Variants in PSMA6 observed in about 807,000 individuals in gnomAD.
PSMA6 encodes the protein proteasome 20S subunit alpha 6.
For synonymous variants in PSMA6, 88 were observed against 97.7 expected, an observed-to-expected ratio of 0.90 and a Z score of 0.59; for missense variants, 170 against 294.8, an observed-to-expected ratio of 0.58 and a Z score of 3.10.
At chr14:35,278,656 G>C (rs2051331518) in exon 1 of PSMA6, 5 of 1,534,778 alleles carry the variant, frequency 3.3e-6, no homozygotes, top group Non-Finnish European at 4.4e-6. Flanking sequence ...GGGAGAATGG[G>C]ATGGAGCCTC....
At chr14:35,301,445 T>G (rs1258938651) in intron 1 of PSMA6, among the ~76,000 whole-genome samples, 4 of 151,622 alleles carry the variant, frequency 2.6e-5, no homozygotes, top group East Asian at 3.9e-4. Flanking sequence ...AGGCAGAGGT[T>G]GCGGCGAGCC....
chr14:35,283,250 G>A (rs1194828510), intron 1 of PSMA6, among the ~76,000 whole-genome samples: 1 of 151,844 alleles, frequency 6.6e-6, no homozygotes, highest in East Asian at 2.0e-4. Context: ...TGGCTGGTCA[G>A]GTGTGGTGGC....
chr14:35,306,337 G>A (rs540170021), intron 1 of PSMA6, among the ~76,000 whole-genome samples: 18 of 151,768 alleles, frequency 1.2e-4, no homozygotes, highest in African/African-American at 3.9e-4. Context: ...TGGGAGGATC[G>A]CTTGAGCTCA....
intron 1 of PSMA6, among the ~76,000 whole-genome samples, chr14:35,303,451 CTGAGT>C (rs879842684): frequency 6.6e-6 from 1 of 152,160 alleles, no homozygotes; most frequent in Non-Finnish European, 1.5e-5. Flanking sequence ...GCCAAAAAGA[CTGAGT>C]TTTCTGTGGG....
intron 6 of PSMA6, 195 bp from the exon 7 acceptor site, chr14:35,317,054 A>G: frequency 1.4e-5 from 7 of 502,134 alleles, no homozygotes; most frequent in Non-Finnish European, 2.5e-5. Context: ...AGGTGGTATA[A>G]TATCTGGGAA....
At chr14:35,289,141 T>TA (rs1029728559), upstream of PSMA6, among the ~76,000 whole-genome samples, 22 of 152,174 alleles carry the variant, frequency 1.4e-4, no homozygotes, top group African/African-American at 5.3e-4. Context: ...CAGGTTTAAA[T>TA]AAAAAAGGAT....
chr14:35,284,794 A>G (rs950513469), intron 1 of PSMA6, among the ~76,000 whole-genome samples: 2 of 152,120 alleles, frequency 1.3e-5, no homozygotes, highest in Admixed American at 6.6e-5. Context: ...CTCTATAATC[A>G]TATGATATCT....
chr14:35,304,495 C>T (rs2051782976), intron 1 of PSMA6, among the ~76,000 whole-genome samples: 1 of 151,892 alleles, frequency 6.6e-6, no homozygotes, highest in Non-Finnish European at 1.5e-5. Flanking sequence ...TCTGGGAGGC[C>T]GAGGTGGGTG....
rs745577903 is a variant in PSMA6, at chr14:35,317,223, GT to G, written c.684-19del. The G allele has an allele frequency of 1.3e-5, 21 of 1,605,852 alleles. No individual in the cohort carries two copies. In the African/African-American group the frequency reaches 1.9e-4, roughly 14 times the overall value. ...TTGAAAAAATTTTTTTTAAATCGTT[GT>G]TTTTTTCCCCCTTTTGCCTTCTAGG... is the stretch of plus-strand genomic sequence containing the variant. On this transcript the variant is annotated intron_variant, in intron 6 of 6. Transcript: ENST00000261479.
intron 1 of PSMA6, among the ~76,000 whole-genome samples, chr14:35,280,920 A>C (rs1463444912): frequency 6.6e-6 from 1 of 152,170 alleles, no homozygotes; most frequent in South Asian, 2.1e-4. Context: ...TCCCTATGAG[A>C]TGGCCAACCT....
intron 1 of PSMA6, 108 bp downstream of exon 1, chr14:35,292,660 GAGCTGGGAAGGGAGAACGGCTGA>G (rs1171350413): frequency 7.5e-5 from 115 of 1,526,594 alleles, no homozygotes; most frequent in Admixed American, 4.7e-4. Context: ...AGCTGGGCTG[GAGCTGGGAAGGGAGAACGGCTGA>G]AGCTGGATTG....
chr14:35,313,693 G>C (rs1289403721), intron 5 of PSMA6: 1 of 152,228 alleles, frequency 6.6e-6, no homozygotes, highest in African/African-American at 2.4e-5. Context: ...AAACACTTAA[G>C]GTGGCTCACA....
At chr14:35,290,919 C>T (rs1333009791), upstream of PSMA6, among the ~76,000 whole-genome samples, 1 of 152,194 alleles carries the variant, frequency 6.6e-6, no homozygotes. Context: ...GCCCCATCCC[C>T]TCAGCTCTAG....
chr14:35,303,787 C>A (rs2051765424), intron 1 of PSMA6, among the ~76,000 whole-genome samples: 1 of 152,162 alleles, frequency 6.6e-6, no homozygotes, highest in African/African-American at 2.4e-5. Context: ...GAAAAAATTG[C>A]TCCTGTACTG....
upstream of PSMA6, among the ~76,000 whole-genome samples, chr14:35,288,697 A>G (rs545675663): frequency 1.1e-4 from 17 of 152,334 alleles, no homozygotes; most frequent in African/African-American, 4.1e-4. Context: ...CCATACCACA[A>G]GAGGGGATGA....
At chr14:35,290,748 CATT>C (rs1940779484), upstream of PSMA6, among the ~76,000 whole-genome samples, 1 of 152,150 alleles carries the variant, frequency 6.6e-6, no homozygotes, top group Non-Finnish European at 1.5e-5. Flanking sequence ...ACTATCCTAA[CATT>C]ATGTTTTGCA....
chr14:35,310,672 A>G, intron 3 of PSMA6, 68 bp from the exon 4 acceptor site: 1 of 1,549,270 alleles, frequency 6.5e-7, no homozygotes, highest in South Asian at 1.1e-5. Flanking sequence ...TTGCCTGGCT[A>G]AATTGCCTGG....
chr14:35,302,808 A>T (rs1008196003), intron 1 of PSMA6, among the ~76,000 whole-genome samples: 2 of 151,886 alleles, frequency 1.3e-5, no homozygotes, highest in African/African-American at 4.8e-5. Flanking sequence ...CATTTGGTGA[A>T]TTTTTAAATT....
intron 1 of PSMA6, among the ~76,000 whole-genome samples, chr14:35,298,677 A>G (rs1023581180): frequency 6.6e-6 from 1 of 152,108 alleles, no homozygotes; most frequent in African/African-American, 2.4e-5. Context: ...TTTAAAAAAT[A>G]AATATCATTT....
Sources: gnomAD v4.1 joint callset for allele counts (sites outside exome capture counted in the v4.1 genomes callset) on GRCh38, gnomAD v4.1.1 for gene constraint, MANE v1.5 for transcripts, NCBI Gene and HGNC (gene_info 2026-07-23, HGNC 2026-07-21) for gene names.